The following ZNF10 variants were observed in gnomAD, a reference collection of about 807,000 sequenced individuals.
ZNF10 encodes zinc finger protein 10 (KOX 1).
Under a neutral mutation model 12.2 loss-of-function variants are expected in ZNF10, and 8 were observed. The observed-to-expected ratio is 0.66, with a 90% CI of 0.39 to 1.18. ZNF10 has a LOEUF of 1.18. ZNF10 is among the 50% of genes most tolerant of loss of function. The probability of loss-of-function intolerance (pLI) is 0.01; values close to 1 mark genes in which losing one functional copy is unlikely to be tolerated. For missense variants in ZNF10, 603 were observed against 678.9 expected (o/e 0.89, Z 1.24); for synonymous variants, 229 against 228.2 (o/e 1.00, Z -0.03).
chr12:133,155,404 G>A (rs912297870), intron 4 of ZNF10, 99 bp from the exon 5 acceptor site: 11 of 1,271,584 alleles, frequency 8.7e-6, no homozygotes, highest in Non-Finnish European at 1.2e-5. Flanking sequence ...ATATTTGAAA[G>A]CAACTGTGTA....
At chr12:133,150,391 C>A (rs1233440567) in intron 2 of ZNF10, among the ~76,000 whole-genome samples, 3 of 152,298 alleles carry the variant, frequency 2.0e-5, no homozygotes, top group African/African-American at 7.2e-5. Context: ...AAACATTATT[C>A]CACTGTCTTC....
chr12:133,130,913 T>C (rs539914025), intron 1 of ZNF10, 159 bp downstream of exon 1: 1 of 152,336 alleles, frequency 6.6e-6, no homozygotes, highest in African/African-American at 2.4e-5. Context: ...CCTCAGTCAC[T>C]TTCTGTCCCT....
At chr12:133,134,716 C>T (rs1162616165) in intron 1 of ZNF10, among the ~76,000 whole-genome samples, 2 of 152,122 alleles carry the variant, frequency 1.3e-5, no homozygotes, top group Admixed American at 6.5e-5. Context: ...GACTTTGCCT[C>T]AGAAGAAAAA....
chr12:133,156,586 A>G lies in ZNF10; in HGVS notation c.1340A>G (p.His447Arg). ...DCGKCFSRSS[H>R]LYSHQRTHTG... is the part of the protein sequence containing the mutation. ...GGAAAATGTTTTAGTCGAAGCTCTC[A>G]CCTTTATTCACATCAAAGAACCCAC... Residue 447 changes from histidine to arginine, a missense_variant, in exon 5 of 5, where the codon CAC becomes CGC. Physicochemically the swap from His to Arg is conservative, Grantham distance 29. Coordinates refer to ENST00000248211, the MANE Select transcript of ZNF10 (RefSeq NM_015394.5). 1 of 1,613,202 alleles carries G rather than the reference A, an allele frequency of 6.2e-7. No homozygotes were observed. The highest frequency in any genetic ancestry group is 8.5e-7 in the Non-Finnish European group (1 of 1,179,772).
intron 1 of ZNF10, among the ~76,000 whole-genome samples, chr12:133,141,289 C>G (rs2135459538): frequency 6.6e-6 from 1 of 152,144 alleles, no homozygotes; most frequent in Non-Finnish European, 1.5e-5. Flanking sequence ...TAAAAATATC[C>G]AGCATCCAAT....
At chr12:133,138,125 C>G (rs73162472) in intron 1 of ZNF10, among the ~76,000 whole-genome samples, 1,680 of 151,988 alleles carry the variant, frequency 0.011, 33 homozygotes, top group African/African-American at 0.038. Context: ...TCAATAAATG[C>G]CAAACATACT....
rs750560883 is a variant in ZNF10 at position 133,155,808 on chromosome 12, C to CTTTTA, written c.562_563insTTTTA (p.Arg188LeufsTer10). 1 of 1,613,774 alleles carries CTTTTA rather than the reference C, an allele frequency of 6.2e-7. No homozygotes were observed. The highest frequency in any genetic ancestry group is 8.5e-7 in the Non-Finnish European group (1 of 1,179,900). Reference sequence around the variant, plus strand: ...AGTACTGAGAGAGTATTTCCATAAACGTGACTCACATACTAAAAGTTTAAA... The same window carrying CTTTTA: ...AGTACTGAGAGAGTATTTCCATAAACTTTTAGTGACTCACATACTAAAAGTTTAAA... On this transcript the variant is annotated frameshift_variant, in exon 5 of 5. Coordinates refer to ENST00000248211, the MANE Select transcript of ZNF10 (RefSeq NM_015394.5). LOFTEE classifies it low-confidence loss of function (END_TRUNC).
At chr12:133,141,632 T>C (rs1311243343) in intron 1 of ZNF10, among the ~76,000 whole-genome samples, 1 of 151,490 alleles carries the variant, frequency 6.6e-6, no homozygotes, top group Non-Finnish European at 1.5e-5. Flanking sequence ...AGTAAAACTA[T>C]CCAAAATGAA....
At chr12:133,135,775 A>G (rs1566343690) in intron 1 of ZNF10, among the ~76,000 whole-genome samples, 1 of 152,142 alleles carries the variant, frequency 6.6e-6, no homozygotes. Flanking sequence ...AGGCATTCTT[A>G]CTTCTCTTGC....
chr12:133,146,410 A>G (rs1955976293), intron 2 of ZNF10, among the ~76,000 whole-genome samples: 1 of 152,224 alleles, frequency 6.6e-6, no homozygotes, highest in African/African-American at 2.4e-5. Flanking sequence ...GGAGGGAAGG[A>G]GAGAAGATAT....
chr12:133,152,658 C>T (rs1030212594), intron 4 of ZNF10, among the ~76,000 whole-genome samples: 2 of 152,152 alleles, frequency 1.3e-5, no homozygotes, highest in Admixed American at 6.5e-5. Context: ...TCAAGTGATC[C>T]GCCCACCTCG....
At chr12:133,135,717 C>T (rs1955907001) in intron 1 of ZNF10, among the ~76,000 whole-genome samples, 1 of 152,232 alleles carries the variant, frequency 6.6e-6, no homozygotes, top group Non-Finnish European at 1.5e-5. Context: ...TGACTCATGT[C>T]TATACCAAAA....
At position 133,159,257 on chromosome 12, in the gene ZNF10, CATA is replaced by C. The variant is rs983293533; in HGVS notation, c.*2292_*2294del. On this transcript the variant is annotated 3_prime_UTR_variant, in exon 5 of 5. Coordinates refer to ENST00000248211, the MANE Select transcript of ZNF10 (RefSeq NM_015394.5). ...GATCACTGAAATATTTATGACAGTGCATAATTTGCAAAATAAAAAATGTACACT... is the reference window on the plus strand; with the variant it reads ...GATCACTGAAATATTTATGACAGTGCATTTGCAAAATAAAAAATGTACACT... 9 of 152,238 alleles carry C rather than the reference CATA, an allele frequency of 5.9e-5. No homozygotes were observed. The highest frequency in any genetic ancestry group is 2.2e-4 in the African/African-American group (9 of 41,544). 9.4% of individuals were successfully genotyped at this position (152,238 alleles called of 1,614,324 possible).
intron 4 of ZNF10, among the ~76,000 whole-genome samples, chr12:133,153,649 G>A (rs571246951): frequency 1.3e-5 from 2 of 152,234 alleles, no homozygotes; most frequent in South Asian, 4.1e-4. Flanking sequence ...TGGTCGGGGT[G>A]GGATTGTATA....
chr12:133,132,626 C>T (rs1345987255), intron 1 of ZNF10, among the ~76,000 whole-genome samples: 2 of 152,198 alleles, frequency 1.3e-5, no homozygotes, highest in African/African-American at 4.8e-5. Context: ...TAGCATGTCT[C>T]ATGTCAGCCA....
At position 133,159,405 on chromosome 12, in the gene ZNF10, G is replaced by T. The variant is rs1241217926; in HGVS notation, c.*2437G>T. ...TGTTACAAAAGCATGATAAATAATT[G>T]TTAATATGGAATAAGCTCAAATATG... On this transcript the variant is annotated 3_prime_UTR_variant, in exon 5 of 5. Transcript: ENST00000248211. The T allele has an allele frequency of 6.6e-6, 1 of 152,176 alleles. No individual in the cohort carries two copies. 9.4% of individuals were successfully genotyped at this position (152,176 alleles called of 1,614,324 possible). A position where few individuals can be genotyped will look rare whatever the true frequency, so the allele number is the denominator to read the frequency against.
At chr12:133,145,964 A>C (rs894041160) in intron 2 of ZNF10, among the ~76,000 whole-genome samples, 1 of 152,230 alleles carries the variant, frequency 6.6e-6, no homozygotes, top group Non-Finnish European at 1.5e-5. Flanking sequence ...CTGTGTTCAC[A>C]GTAAAAGTGC....
Position 133,151,065 on chromosome 12 carries a change from C to G in ZNF10, c.71C>G (p.Thr24Ser), listed in dbSNP as rs1182407376. The change falls in exon 3 of 5, where the codon ACC becomes AGC. Residue 24 changes from threonine to serine, a missense_variant. By Grantham distance (58) the Thr-to-Ser change is moderately conservative. Around this residue, in one of 3 missense-constraint regions of ZNF10, gnomAD observed 393 missense variants for 399.7 expected, o/e 0.98. Transcript: ENST00000248211. ...VTFKDVFVDF[T>S]REEWKLLDTA... ...TTCAAGGATGTATTTGTGGACTTCA[C>G]CAGGGAGGAGTGGAAGCTGCTGGAC... The G allele has an allele frequency of 3.1e-6, 5 of 1,613,366 alleles. No individual in the cohort carries two copies. Among genetic ancestry groups the G allele is most frequent in the Admixed American group, 3.3e-5 (2 of 59,984 alleles).
intron 2 of ZNF10, among the ~76,000 whole-genome samples, chr12:133,148,851 C>G (rs535131466): frequency 6.9e-6 from 1 of 144,756 alleles, no homozygotes; most frequent in Non-Finnish European, 1.5e-5. Context: ...CTCCTGTGTT[C>G]AAGCGATTCT....
Sources: gnomAD v4.1 joint callset for allele counts (sites outside exome capture counted in the v4.1 genomes callset) on GRCh38, gnomAD v4.1.1 for gene constraint, gnomAD v4.1.1 regional missense constraint, MANE v1.5 for transcripts, NCBI Gene and HGNC (gene_info 2026-07-23, HGNC 2026-07-21) for gene names.